The following FBXW4 variants were observed in gnomAD, a reference collection of about 807,000 sequenced individuals.
FBXW4 encodes F-box and WD repeat domain containing 4.
In FBXW4, 40 loss-of-function variants were observed where a neutral mutation model predicts 61.8. That is an observed-to-expected ratio of 0.65 (90% CI 0.50 to 0.84). The LOEUF (loss-of-function observed/expected upper bound fraction) is 0.84, where lower values mean the gene tolerates loss of function less well. FBXW4 is among the 40% of genes least tolerant of loss of function. The pLI is 0.00. For synonymous variants in FBXW4, 311 were observed against 313.8 expected (o/e 0.99, Z 0.10); for missense variants, 672 against 753.8 (o/e 0.89, Z 1.27).
In FBXW4 at chr10:101,694,629, C is replaced by A; in HGVS notation, c.477G>T (p.Ala159=). 1 of 1,428,580 alleles carries A rather than the reference C, an allele frequency of 7.0e-7. No individual in the cohort carries two copies. The highest frequency in any genetic ancestry group is 1.5e-5 in the South Asian group (1 of 67,532). 88.5% of individuals were successfully genotyped at this position (1,428,580 alleles called of 1,614,324 possible). ...CCTCCTCCTCCTCCTCCTCCCCGGC[C>A]GCCGCCGCCATGGCCACCCCTGTCC... ...IAGTGVAMAA[A]AGEEEEEEEA... Residue 159 remains alanine (A), a synonymous_variant, in exon 1 of 9, where the codon GCG becomes GCT. Transcript: ENST00000331272. The surrounding 1 kb of genome is among the most constrained non-coding windows in gnomAD (Gnocchi z 6.0).
chr10:101,641,930 G>A (rs2064057072), intron 5 of FBXW4, among the ~76,000 whole-genome samples: 1 of 152,238 alleles, frequency 6.6e-6, no homozygotes, highest in East Asian at 1.9e-4. Flanking sequence ...ACTTTGGGAG[G>A]CTGAGGCGGG....
Position 101,673,719 on chromosome 10 carries a change from T to C in FBXW4, c.822-46A>G, listed in dbSNP as rs376910027. 32 of 1,575,016 alleles carry C rather than the reference T, an allele frequency of 2.0e-5. No homozygotes were observed. The African/African-American group carries it at 3.1e-4, about 15-fold the overall frequency. On this transcript the variant is annotated intron_variant, in intron 2 of 8. Coordinates refer to ENST00000331272, the MANE Select transcript of FBXW4 (RefSeq NM_022039.4). Reference sequence around the variant, plus strand: ...ATTTAAAAGTCATCAAGATACAGTATGAAAACTCAACTCCAATCTTTGAAG... The same window carrying C: ...ATTTAAAAGTCATCAAGATACAGTACGAAAACTCAACTCCAATCTTTGAAG...
At chr10:101,662,688 G>A (rs554164168) in intron 5 of FBXW4, among the ~76,000 whole-genome samples, 1 of 152,044 alleles carries the variant, frequency 6.6e-6, no homozygotes, top group Admixed American at 6.5e-5. Flanking sequence ...TTTTTTCTTG[G>A]AGGGCAATAC....
chr10:101,695,271 C>G, upstream of FBXW4: 1 of 907,474 alleles, frequency 1.1e-6, no homozygotes, highest in Non-Finnish European at 1.3e-6. This position sits in a 1 kb window ranked among gnomAD's most constrained non-coding sequence, Gnocchi z 4.2. Flanking sequence ...GGGGTGCGGG[C>G]TGGGGCCGGG....
At chr10:101,640,483 TC>T (rs1435282200) in intron 5 of FBXW4, among the ~76,000 whole-genome samples, 6 of 91,936 alleles carry the variant, frequency 6.5e-5, no homozygotes, top group African/African-American at 2.0e-4. Context: ...TCTTTCTTTC[TC>T]TTTTTTTTTT....
At chr10:101,641,859 A>G (rs10883669) in intron 5 of FBXW4, among the ~76,000 whole-genome samples, 26,876 of 152,132 alleles carry the variant, frequency 0.18, 2,598 homozygotes, top group Middle Eastern at 0.23. Flanking sequence ...ACTGTATAGT[A>G]TATCAATAGA....
chr10:101,656,065 A>AC (rs1272511428), intron 5 of FBXW4, among the ~76,000 whole-genome samples: 1 of 151,930 alleles, frequency 6.6e-6, no homozygotes, highest in Non-Finnish European at 1.5e-5. Flanking sequence ...GCGCACTGAA[A>AC]CCCCACACAA....
At chr10:101,688,417 A>T (rs1467400528) in intron 1 of FBXW4, among the ~76,000 whole-genome samples, 1 of 152,218 alleles carries the variant, frequency 6.6e-6, no homozygotes, top group African/African-American at 2.4e-5. Flanking sequence ...ACAGGGGCCC[A>T]TTGGGTGGCC....
intron 1 of FBXW4, among the ~76,000 whole-genome samples, chr10:101,693,427 T>C (rs1032730069): frequency 1.3e-5 from 2 of 152,216 alleles, no homozygotes; most frequent in Non-Finnish European, 2.9e-5. Context: ...TTTAATCTCA[T>C]TATGCGACAG....
At chr10:101,624,986 G>A (rs2063896527) in intron 5 of FBXW4, 176 bp from the exon 6 acceptor site, 1 of 696,412 alleles carries the variant, frequency 1.4e-6, no homozygotes, top group Non-Finnish European at 2.5e-6. Flanking sequence ...GGAGCACTGT[G>A]AGGGGTGTAG....
intron 6 of FBXW4, among the ~76,000 whole-genome samples, chr10:101,617,120 T>C (rs1310851731): frequency 6.6e-6 from 1 of 152,224 alleles, no homozygotes; most frequent in Non-Finnish European, 1.5e-5. Flanking sequence ...CCATACTGTG[T>C]ACCAGGCAAC....
intron 2 of FBXW4, among the ~76,000 whole-genome samples, chr10:101,675,138 C>T (rs1471548053): frequency 6.6e-6 from 1 of 152,188 alleles, no homozygotes; most frequent in East Asian, 1.9e-4. Context: ...TGAGTTTCTG[C>T]TCATGAGGTT....
chr10:101,633,879 G>A (rs573477517), intron 5 of FBXW4, among the ~76,000 whole-genome samples: 5 of 152,126 alleles, frequency 3.3e-5, no homozygotes, highest in Non-Finnish European at 7.4e-5. Context: ...AGGAGGCTGA[G>A]GGGGGTGGAT....
chr10:101,650,151 G>A lies in FBXW4; in HGVS notation c.1235+17735C>T, dbSNP rs550893047. On this transcript the variant is annotated intron_variant, in intron 5 of 8. Transcript: ENST00000331272. The stretch of plus-strand genomic sequence containing the variant: ...AGGCTATACTGCAGCAAGGTGAGTG[G>A]TAAAGACAGAAGACAGCCTGCTCAT... Among the ~76,000 whole-genome samples, 3 of 152,278 alleles carry A rather than the reference G, an allele frequency of 2.0e-5. No homozygotes were observed. The East Asian group carries it at 5.8e-4, about 29-fold the overall frequency.
chr10:101,667,890 G>A lies in FBXW4; in HGVS notation c.1231C>T (p.Leu411Phe). The change falls in exon 5 of 9, where the codon CTC (leucine) becomes TTC (phenylalanine). Residue 411 changes from leucine (L) to phenylalanine (F), a missense_variant. Transcript: ENST00000331272. The stretch of plus-strand genomic sequence containing the variant: ...ATCCAAATATGTCTCCCTTACCTGA[G>A]TAATGGGCTGATAGCAATGGACCAG... The part of the protein sequence containing the change: ...RVWSIAISPL[L>F]SSFVTGTACC... 6.2e-7 allele frequency: 1 copy of A among 1,613,470 alleles called. No individual in the cohort carries two copies. The highest frequency in any genetic ancestry group is 8.5e-7 in the Non-Finnish European group (1 of 1,179,366).
At chr10:101,623,901 T>G (rs1332491327) in intron 6 of FBXW4, among the ~76,000 whole-genome samples, 1 of 152,062 alleles carries the variant, frequency 6.6e-6, no homozygotes, top group African/African-American at 2.4e-5. Flanking sequence ...GGAGAACACA[T>G]AAGAAGTTGC....
At position 101,611,613 on chromosome 10, in the gene FBXW4, G is replaced by T. The variant is rs764153458; in HGVS notation, c.1584+15C>A. 1 of 1,613,512 alleles carries T rather than the reference G, an allele frequency of 6.2e-7. No individual in the cohort carries two copies. The highest frequency in any genetic ancestry group is 2.2e-5 in the East Asian group (1 of 44,860). On this transcript the variant is annotated intron_variant, in intron 8 of 8. Coordinates refer to ENST00000331272, the MANE Select transcript of FBXW4 (RefSeq NM_022039.4). This position sits in a 1 kb window ranked among gnomAD's most constrained non-coding sequence, Gnocchi z 4.9. ...AGTCCTGGCATGCTGGAGAAGAGGT[G>T]GGCAGGACACTTACGTGCAGGCAGG... is the stretch of plus-strand genomic sequence containing the variant.
chr10:101,661,542 G>C (rs2064244907), intron 5 of FBXW4, among the ~76,000 whole-genome samples: 1 of 152,130 alleles, frequency 6.6e-6, no homozygotes, highest in African/African-American at 2.4e-5. Flanking sequence ...TTAGCTTGCT[G>C]CCAGTTGAAC....
intron 5 of FBXW4, among the ~76,000 whole-genome samples, chr10:101,642,747 A>G (rs999511499): frequency 6.6e-6 from 1 of 152,178 alleles, no homozygotes; most frequent in Non-Finnish European, 1.5e-5. Flanking sequence ...TCTTTGGAAC[A>G]TTGGAATAAA....
Sources: allele counts gnomAD v4.1 joint callset (sites outside exome capture counted in the v4.1 genomes callset), GRCh38; gene constraint gnomAD v4.1.1; non-coding constraint Gnocchi (gnomAD v3.1); transcripts MANE v1.5; gene names NCBI Gene and HGNC (gene_info 2026-07-23, HGNC 2026-07-21).